OPCML: variants seen among roughly 807,000 people sequenced by gnomAD.
OPCML encodes opioid-binding protein/cell adhesion molecule.
A neutral mutation model predicts 37.8 loss-of-function variants in OPCML; 13 were observed. That is an observed-to-expected ratio of 0.34 (90% CI 0.22 to 0.55). The LOEUF (loss-of-function observed/expected upper bound fraction) is 0.55, where lower values mean the gene tolerates loss of function less well. Among genes scored for constraint, OPCML ranks in the 20% least tolerant of loss-of-function variants. OPCML has a pLI of 0.91. For synonymous variants in OPCML, 176 were observed against 168.8 expected (o/e 1.04, Z -0.33); for missense variants, 341 against 435.6 (o/e 0.78, Z 1.93).
At chr11:133,438,629 A>G (rs1946293640) in intron 1 of OPCML, among the ~76,000 whole-genome samples, 1 of 152,174 alleles carries the variant, frequency 6.6e-6, no homozygotes, top group Admixed American at 6.5e-5. Context: ...AATTTCTGAT[A>G]GGAGTGATGA....
intron 2 of OPCML, among the ~76,000 whole-genome samples, chr11:132,921,820 A>T (rs1283365343): frequency 6.6e-6 from 1 of 152,254 alleles, no homozygotes. Context: ...GATGGAAACC[A>T]TTCCTGGAAC....
At chr11:133,392,951 T>C (rs953661746) in intron 1 of OPCML, among the ~76,000 whole-genome samples, 5 of 152,188 alleles carry the variant, frequency 3.3e-5, no homozygotes, top group Admixed American at 6.5e-5. Context: ...CCCAATCTCA[T>C]TGTCCCAGTG....
At chr11:133,364,064 T>C (rs1944482658) in intron 1 of OPCML, among the ~76,000 whole-genome samples, 1 of 152,190 alleles carries the variant, frequency 6.6e-6, no homozygotes, top group Admixed American at 6.5e-5. Context: ...GTGGTTATCA[T>C]GCGGTAAGTC....
At chr11:133,229,280 C>A (rs1284547164) in intron 1 of OPCML, among the ~76,000 whole-genome samples, 1 of 152,166 alleles carries the variant, frequency 6.6e-6, no homozygotes, top group Non-Finnish European at 1.5e-5. Context: ...ATACGGTAGT[C>A]CCCCGCTTTA....
At chr11:132,683,484 A>G (rs1943038787) in intron 2 of OPCML, among the ~76,000 whole-genome samples, 2 of 152,238 alleles carry the variant, frequency 1.3e-5, no homozygotes, top group South Asian at 4.1e-4. Flanking sequence ...ACAAAACCTA[A>G]TATCAAGACC....
intron 1 of OPCML, among the ~76,000 whole-genome samples, chr11:133,131,870 G>C (rs2137138868): frequency 6.6e-6 from 1 of 152,162 alleles, no homozygotes; most frequent in African/African-American, 2.4e-5. Flanking sequence ...AGAAAAAATA[G>C]TCCTTTAAAC....
At chr11:133,207,852 C>G (rs1592105002) in intron 1 of OPCML, among the ~76,000 whole-genome samples, 1 of 152,184 alleles carries the variant, frequency 6.6e-6, no homozygotes, top group Non-Finnish European at 1.5e-5. Flanking sequence ...TCTTTCCTTC[C>G]TGCCGTAGTT....
At chr11:132,707,716 GA>G (rs1944092947) in intron 2 of OPCML, among the ~76,000 whole-genome samples, 1 of 152,176 alleles carries the variant, frequency 6.6e-6, no homozygotes, top group African/African-American at 2.4e-5. Context: ...CATATTCTCT[GA>G]GTGTCTGTGC....
At chr11:132,733,508 T>G (rs903539025) in intron 2 of OPCML, among the ~76,000 whole-genome samples, 1 of 152,116 alleles carries the variant, frequency 6.6e-6, no homozygotes, top group East Asian at 1.9e-4. Flanking sequence ...GGGTTCAAGA[T>G]AGTGAAGGTT....
intron 2 of OPCML, among the ~76,000 whole-genome samples, chr11:132,678,158 T>A (rs1024231477): frequency 4.6e-5 from 7 of 152,196 alleles, no homozygotes; most frequent in Admixed American, 2.0e-4. Flanking sequence ...CTCCACATCA[T>A]ATATTATCAG....
chr11:133,466,909 C>A (rs1026523652), intron 1 of OPCML, among the ~76,000 whole-genome samples: 3 of 152,198 alleles, frequency 2.0e-5, no homozygotes. Flanking sequence ...GCTTTAAAGA[C>A]TTCTGGCATA....
At chr11:132,981,375 T>C (rs905762543) in intron 1 of OPCML, among the ~76,000 whole-genome samples, 2 of 152,048 alleles carry the variant, frequency 1.3e-5, no homozygotes, top group African/African-American at 4.8e-5. Context: ...CAGCACTGGG[T>C]CCTGAAGGCG....
intron 3 of OPCML, among the ~76,000 whole-genome samples, chr11:132,620,209 A>G (rs1254311832): frequency 6.6e-6 from 1 of 152,190 alleles, no homozygotes; most frequent in Admixed American, 6.5e-5. Flanking sequence ...CAAAGAATGA[A>G]TCCAAGTCAG....
intron 3 of OPCML, among the ~76,000 whole-genome samples, chr11:132,550,254 C>T (rs1254189613): frequency 1.3e-5 from 2 of 152,188 alleles, no homozygotes; most frequent in Admixed American, 6.5e-5. Flanking sequence ...CTGCCCAAAT[C>T]TCATGTTGAA....
chr11:133,455,298 T>A lies in OPCML; in HGVS notation c.61+76966A>T, dbSNP rs78093277. 5.4e-4 allele frequency among the ~76,000 whole-genome samples: 83 copies of A among 152,352 alleles called. 1 individual carries two copies. The East Asian group carries it at 0.013, about 24-fold the overall frequency. On this transcript the variant is annotated intron_variant, in intron 1 of 7. Transcript: ENST00000524381. ...AACACCAAAAATAGTTAGTGTTAATTCTTTTATTCTTTATTTAAACCTAGC... is the reference window on the plus strand; with the variant it reads ...AACACCAAAAATAGTTAGTGTTAATACTTTTATTCTTTATTTAAACCTAGC...
chr11:133,489,399 C>T (rs1281392401), intron 1 of OPCML, among the ~76,000 whole-genome samples: 1 of 151,558 alleles, frequency 6.6e-6, no homozygotes, highest in African/African-American at 2.4e-5. Flanking sequence ...AAACAAATAA[C>T]CCCATTTAAA....
chr11:133,195,721 A>C (rs886949936), intron 1 of OPCML, among the ~76,000 whole-genome samples: 1 of 152,198 alleles, frequency 6.6e-6, no homozygotes, highest in Non-Finnish European at 1.5e-5. Flanking sequence ...TATGCCTCTT[A>C]TGTACCTTCA....
chr11:133,531,559 A>G (rs1948604482), intron 1 of OPCML, among the ~76,000 whole-genome samples: 1 of 152,164 alleles, frequency 6.6e-6, no homozygotes, highest in African/African-American at 2.4e-5. Flanking sequence ...TAATCTGCCC[A>G]TTTGGTGGAA....
intron 1 of OPCML, among the ~76,000 whole-genome samples, chr11:133,341,944 T>G (rs1284117902): frequency 1.3e-5 from 2 of 151,600 alleles, no homozygotes; most frequent in African/African-American, 4.8e-5. Flanking sequence ...CTTTGCAGCA[T>G]TACTCCTGTG....
Sources: gnomAD v4.1 joint callset for allele counts (sites outside exome capture counted in the v4.1 genomes callset) on GRCh38, gnomAD v4.1.1 for gene constraint, MANE v1.5 for transcripts, NCBI Gene and HGNC (gene_info 2026-07-23, HGNC 2026-07-21) for gene names.